The following MAGI2 variants were observed in gnomAD, a reference collection of about 807,000 sequenced individuals.
MAGI2 encodes membrane-associated guanylate kinase, WW and PDZ domain-containing protein 2.
MAGI2 carries 35 observed loss-of-function variants against 133.3 expected under a neutral mutation model. The observed-to-expected ratio is 0.26, with a 90% confidence interval of 0.20 to 0.35. The LOEUF is 0.35. Ranked by LOEUF, MAGI2 falls within the 10% of genes least tolerant of loss-of-function variation. MAGI2 has a pLI of 1.00. For missense variants in MAGI2, 1,636 were observed against 1,863.4 expected, an observed-to-expected ratio of 0.88 and a Z score of 2.25; for synonymous variants, 729 against 710.6, an observed-to-expected ratio of 1.03 and a Z score of -0.41.
chr7:78,626,151 T>C (rs767247157), intron 3 of MAGI2, among the ~76,000 whole-genome samples: 5 of 152,208 alleles, frequency 3.3e-5, no homozygotes, highest in African/African-American at 4.8e-5. Flanking sequence ...AATATCACTA[T>C]TAGTTGCAGG....
At chr7:78,696,382 C>A (rs1454599808) in intron 2 of MAGI2, among the ~76,000 whole-genome samples, 2 of 152,142 alleles carry the variant, frequency 1.3e-5, no homozygotes, top group Admixed American at 1.3e-4. Context: ...TGTAGCCTAA[C>A]CCTCCTACTG....
At chr7:78,516,582 AC>A (rs1796063551) in intron 4 of MAGI2, among the ~76,000 whole-genome samples, 1 of 152,068 alleles carries the variant, frequency 6.6e-6, no homozygotes, top group Non-Finnish European at 1.5e-5. Context: ...TGAATTCCTG[AC>A]CTCAAGTGAT....
chr7:78,824,183 C>A (rs563360931), intron 2 of MAGI2, among the ~76,000 whole-genome samples: 1 of 152,182 alleles, frequency 6.6e-6, no homozygotes, highest in South Asian at 2.1e-4. Flanking sequence ...AACAACACAA[C>A]AAATTAACTG....
intron 1 of MAGI2, among the ~76,000 whole-genome samples, chr7:79,427,544 G>C (rs911363561): frequency 6.6e-6 from 1 of 152,102 alleles, no homozygotes; most frequent in Non-Finnish European, 1.5e-5. Flanking sequence ...TTAGAGTCCA[G>C]CAGAATTTTC....
chr7:79,092,282 C>T (rs60980392), intron 1 of MAGI2, among the ~76,000 whole-genome samples: 6,285 of 152,158 alleles, frequency 0.041, 410 homozygotes, highest in African/African-American at 0.14. Flanking sequence ...GATTGATTTA[C>T]TAATTGGTAT....
chr7:78,232,428 G>A (rs1790077092), intron 10 of MAGI2, among the ~76,000 whole-genome samples: 1 of 152,178 alleles, frequency 6.6e-6, no homozygotes, highest in South Asian at 2.1e-4. Flanking sequence ...ATACATGTGA[G>A]CAAGGCTATT....
At chr7:79,212,213 G>A (rs1458987257) in intron 1 of MAGI2, among the ~76,000 whole-genome samples, 1 of 152,040 alleles carries the variant, frequency 6.6e-6, no homozygotes, top group Non-Finnish European at 1.5e-5. Context: ...ATTTGTAGTT[G>A]CTATAGAGTA....
At chr7:79,325,426 AGAGTATTTCTAGATATACTCTAGAAT>A (rs1454843225) in intron 1 of MAGI2, among the ~76,000 whole-genome samples, 1 of 152,184 alleles carries the variant, frequency 6.6e-6, no homozygotes, top group African/African-American at 2.4e-5. Flanking sequence ...TATTTCTTCT[AGAGTATTTCTAGATATACTCTAGAAT>A]GAGTATTTCT....
rs1276116570 is a variant in MAGI2 at position 79,121,724 on chromosome 7, T to C, written c.302-114518A>G. On this transcript the variant is annotated intron_variant, in intron 1 of 21. Transcript: ENST00000354212. ...TCTTTTAATACTCATAAATTTTCTT[T>C]ATATTAAAAATACTAATGAAAGTTT... Among the ~76,000 whole-genome samples, 3 of 152,158 alleles carry C rather than the reference T, an allele frequency of 2.0e-5. No individual in the cohort carries two copies. In the East Asian group the frequency reaches 5.8e-4, roughly 29 times the overall value.
intron 1 of MAGI2, among the ~76,000 whole-genome samples, chr7:79,377,605 A>G (rs1302814571): frequency 1.3e-5 from 2 of 151,880 alleles, no homozygotes; most frequent in Non-Finnish European, 2.9e-5. Context: ...TGAGCAACGC[A>G]ATCAAGCATA....
chr7:79,076,720 G>T (rs571032575), intron 1 of MAGI2, among the ~76,000 whole-genome samples: 1 of 151,866 alleles, frequency 6.6e-6, no homozygotes, highest in East Asian at 1.9e-4. Context: ...AATTCTTTTC[G>T]ACCCCTAAAG....
At chr7:79,129,226 C>T (rs546009331) in intron 1 of MAGI2, among the ~76,000 whole-genome samples, 2 of 152,220 alleles carry the variant, frequency 1.3e-5, no homozygotes, top group East Asian at 1.9e-4. Context: ...AATCATATAA[C>T]ACGAAGCCTA....
chr7:78,475,092 C>A (rs1441313247), intron 6 of MAGI2, among the ~76,000 whole-genome samples: 2 of 151,876 alleles, frequency 1.3e-5, no homozygotes, highest in African/African-American at 4.8e-5. Flanking sequence ...ACCAAGTTGG[C>A]GTTTGGACCT....
chr7:78,329,781 T>C (rs530676742), intron 9 of MAGI2, among the ~76,000 whole-genome samples: 1 of 152,298 alleles, frequency 6.6e-6, no homozygotes, highest in South Asian at 2.1e-4. Flanking sequence ...CAAAAAGAGA[T>C]GAGCATCCTA....
At chr7:78,774,254 G>C (rs1207286363) in intron 2 of MAGI2, among the ~76,000 whole-genome samples, 1 of 152,138 alleles carries the variant, frequency 6.6e-6, no homozygotes, top group Non-Finnish European at 1.5e-5. Flanking sequence ...TCATTGGTTT[G>C]GAGAGAGGCA....
chr7:79,350,583 A>G (rs1688846964), intron 1 of MAGI2, among the ~76,000 whole-genome samples: 1 of 152,162 alleles, frequency 6.6e-6, no homozygotes, highest in Non-Finnish European at 1.5e-5. Flanking sequence ...GTTAAAAAAA[A>G]TAAAGGAATG....
intron 2 of MAGI2, among the ~76,000 whole-genome samples, chr7:78,975,721 G>A (rs1223044285): frequency 6.6e-6 from 1 of 151,428 alleles, no homozygotes; most frequent in Non-Finnish European, 1.5e-5. Flanking sequence ...AAATCAATGG[G>A]AACTAAAGCT....
chr7:78,281,250 T>C (rs572508149), intron 9 of MAGI2, among the ~76,000 whole-genome samples: 1 of 152,136 alleles, frequency 6.6e-6, no homozygotes, highest in Non-Finnish European at 1.5e-5. Flanking sequence ...TTAAAATACA[T>C]ACTGATGTGG....
At chr7:79,150,689 A>T (rs868718102) in intron 1 of MAGI2, among the ~76,000 whole-genome samples, 5 of 70,622 alleles carry the variant, frequency 7.1e-5, no homozygotes, top group Middle Eastern at 0.02. Flanking sequence ...ATTTCATATC[A>T]GGTGGGCCAT....
Sources: gnomAD v4.1 joint callset for allele counts (sites outside exome capture counted in the v4.1 genomes callset) on GRCh38, gnomAD v4.1.1 for gene constraint, MANE v1.5 for transcripts, NCBI Gene and HGNC (gene_info 2026-07-23, HGNC 2026-07-21) for gene names.